DLGAP5: variants seen among roughly 807,000 people sequenced by gnomAD.
DLGAP5 encodes disks large-associated protein 5.
DLGAP5 carries 90 observed loss-of-function variants against 99.6 expected under a neutral mutation model. The ratio of observed to expected loss-of-function variants is 0.90; its 90% confidence interval spans 0.76 to 1.08. The LOEUF (loss-of-function observed/expected upper bound fraction) is 1.08. Among genes scored for constraint, DLGAP5 ranks in the 50% least tolerant of loss-of-function variants. The pLI is 0.00. For synonymous variants in DLGAP5, 311 were observed against 321.3 expected, an observed-to-expected ratio of 0.97 and a Z score of 0.34; for missense variants, 1,036 against 983.5, an observed-to-expected ratio of 1.05 and a Z score of -0.71.
At chr14:55,175,784 T>C in intron 9 of DLGAP5, 110 bp downstream of exon 9, 1 of 987,436 alleles carries the variant, frequency 1.0e-6, no homozygotes, top group Non-Finnish European at 1.4e-6. Flanking sequence ...CAAACAAATC[T>C]GACAAGTAAT....
At chr14:55,186,248 G>A (rs1162032193) in intron 2 of DLGAP5, among the ~76,000 whole-genome samples, 1 of 152,166 alleles carries the variant, frequency 6.6e-6, no homozygotes, top group African/African-American at 2.4e-5. Flanking sequence ...TCCAGCCTGG[G>A]CAAGAAGAGC....
chr14:55,165,888 A>G (rs766318479), intron 12 of DLGAP5, among the ~76,000 whole-genome samples: 2 of 152,216 alleles, frequency 1.3e-5, no homozygotes, highest in Non-Finnish European at 2.9e-5. Context: ...GGGGGCTACT[A>G]TAATAAAAAA....
At chr14:55,160,440 G>T (rs1009243652) in intron 13 of DLGAP5, among the ~76,000 whole-genome samples, 1 of 150,982 alleles carries the variant, frequency 6.6e-6, no homozygotes, top group Non-Finnish European at 1.5e-5. Context: ...AGAAAGGTTA[G>T]ATTTATTTAC....
intron 15 of DLGAP5, 62 bp from the exon 16 acceptor site, chr14:55,152,709 T>C: frequency 7.9e-6 from 11 of 1,401,086 alleles, no homozygotes; most frequent in Non-Finnish European, 1.1e-5. Flanking sequence ...CACTTGTATT[T>C]TGAGTCTTTC....
chr14:55,159,049 C>T (rs1227416281), intron 13 of DLGAP5, among the ~76,000 whole-genome samples: 4 of 149,274 alleles, frequency 2.7e-5, no homozygotes, highest in African/African-American at 9.9e-5. Flanking sequence ...TGACACCCCC[C>T]CCCCATAAAA....
chr14:55,158,363 T>C (rs1882285189), intron 14 of DLGAP5, among the ~76,000 whole-genome samples, 159 bp downstream of exon 14: 2 of 152,218 alleles, frequency 1.3e-5, no homozygotes, highest in Non-Finnish European at 2.9e-5. Context: ...ACAGTGTTTG[T>C]GAGCGAGCAT....
intron 4 of DLGAP5, among the ~76,000 whole-genome samples, chr14:55,181,549 C>T (rs535974737): frequency 6.6e-6 from 1 of 152,190 alleles, no homozygotes. Context: ...AAACAGCTCA[C>T]TATAACTTGC....
rs148334431 is a variant in DLGAP5 at position 55,157,521 on chromosome 14, C to T, written c.1873+1001G>A. 6.9e-4 allele frequency among the ~76,000 whole-genome samples: 105 copies of T among 152,090 alleles called. No individual in the cohort carries two copies. In the East Asian group the frequency reaches 0.019, roughly 28 times the overall value. On this transcript the variant is annotated intron_variant, in intron 14 of 18. Coordinates refer to ENST00000247191, the MANE Select transcript of DLGAP5 (RefSeq NM_014750.5). ...TTTGAAAAAACTTCCTGGTGGACATCTATGGCTTATAAATAAATAATTTCA... is the reference window on the plus strand; with the variant it reads ...TTTGAAAAAACTTCCTGGTGGACATTTATGGCTTATAAATAAATAATTTCA...
chr14:55,188,388 A>T (rs1883494988), intron 2 of DLGAP5, among the ~76,000 whole-genome samples: 1 of 152,186 alleles, frequency 6.6e-6, no homozygotes, highest in South Asian at 2.1e-4. Flanking sequence ...TGCAAGGATG[A>T]ATTCTTTGCT....
At chr14:55,189,862 G>A (rs1242260237) in intron 1 of DLGAP5, among the ~76,000 whole-genome samples, 9 of 152,086 alleles carry the variant, frequency 5.9e-5, no homozygotes, top group African/African-American at 1.9e-4. Context: ...TGGTGATCAA[G>A]TCAACCTTCA....
At chr14:55,178,935 T>C (rs150372296) in intron 7 of DLGAP5, among the ~76,000 whole-genome samples, 1,642 of 152,094 alleles carry the variant, frequency 0.011, 12 homozygotes, top group Middle Eastern at 0.027. Context: ...TAATCCCAAC[T>C]ACTCGGGAGG....
At chr14:55,172,566 G>A (rs992272802) in intron 10 of DLGAP5, among the ~76,000 whole-genome samples, 3 of 152,038 alleles carry the variant, frequency 2.0e-5, no homozygotes, top group South Asian at 2.1e-4. Flanking sequence ...CAAGGCTGCA[G>A]TGAGCCAAGA....
At chr14:55,182,273 C>G in intron 4 of DLGAP5, 97 bp downstream of exon 4, 1 of 1,032,936 alleles carries the variant, frequency 9.7e-7, no homozygotes, top group African/African-American at 1.6e-5. Flanking sequence ...GTAAATTAAT[C>G]ATTATGTTTG....
intron 2 of DLGAP5, among the ~76,000 whole-genome samples, chr14:55,184,289 C>T (rs1213433828): frequency 6.6e-6 from 1 of 152,162 alleles, no homozygotes; most frequent in Non-Finnish European, 1.5e-5. Context: ...AAGACCTCTC[C>T]GCACAAAGGG....
chr14:55,149,611 G>T (rs1299266686), intron 18 of DLGAP5, among the ~76,000 whole-genome samples: 1 of 152,114 alleles, frequency 6.6e-6, no homozygotes, highest in African/African-American at 2.4e-5. Context: ...GATTAAAGAA[G>T]AATAAAACCA....
Position 55,188,515 on chromosome 14 carries a change from G to A in DLGAP5, c.238+427C>T, listed in dbSNP as rs149571558. ...TCAACACTTATCCTACCCAAGCTCC[G>A]TAAGAACTTTAGGATTTCTATGAAG... is the stretch of plus-strand genomic sequence containing the variant. On this transcript the variant is annotated intron_variant, in intron 2 of 18. Coordinates refer to ENST00000247191, the MANE Select transcript of DLGAP5 (RefSeq NM_014750.5). 7.2e-5 allele frequency among the ~76,000 whole-genome samples: 11 copies of A among 152,054 alleles called. No individual in the cohort carries two copies. In the East Asian group the frequency reaches 1.7e-3, roughly 24 times the overall value.
intron 15 of DLGAP5, among the ~76,000 whole-genome samples, chr14:55,153,536 G>A (rs1358365553): frequency 4.8e-5 from 5 of 104,894 alleles, no homozygotes; most frequent in South Asian, 2.7e-4. Context: ...GCGACACTCC[G>A]TCTCAAAAAA....
chr14:55,180,605 C>T (rs751044370), intron 6 of DLGAP5, 51 bp downstream of exon 6: 12 of 1,604,292 alleles, frequency 7.5e-6, no homozygotes, highest in South Asian at 6.6e-5. Flanking sequence ...ACACAAAAAC[C>T]TCAAGGACCA....
At chr14:55,182,155 AAGAC>A (rs1465620056) in intron 4 of DLGAP5, among the ~76,000 whole-genome samples, 1 of 152,220 alleles carries the variant, frequency 6.6e-6, no homozygotes, top group Admixed American at 6.5e-5. Flanking sequence ...GTGTGACACA[AAGAC>A]AGTTTGCCAT....
Sources: allele counts gnomAD v4.1 joint callset (sites outside exome capture counted in the v4.1 genomes callset), GRCh38; gene constraint gnomAD v4.1.1; transcripts MANE v1.5; gene names NCBI Gene and HGNC (gene_info 2026-07-23, HGNC 2026-07-21).